Variants in CX3CR1 observed in about 807,000 individuals in gnomAD.
CX3CR1 encodes the protein CX3C chemokine receptor 1.
For missense variants in CX3CR1, 363 were observed against 432.4 expected, an observed-to-expected ratio of 0.84 and a Z score of 1.42; for synonymous variants, 168 against 178.5, an observed-to-expected ratio of 0.94 and a Z score of 0.47.
At chr3:39,283,840 T>TATATATATAA (rs1195261746), upstream of CX3CR1, among the ~76,000 whole-genome samples, 5 of 115,308 alleles carry the variant, frequency 4.3e-5, no homozygotes, top group African/African-American at 1.3e-4. Context: ...TATATATATA[T>TATATATATAA]AATGTGGTTA....
rs1315495491 is a variant in CX3CR1, at chr3:39,264,611, G to A, written c.*831C>T. On this transcript the variant is annotated 3_prime_UTR_variant, in exon 2 of 2. Transcript: ENST00000399220. ...TGGTAGGACCCCATGGTGGACGTAT[G>A]AGAAGCCAAGCATTTGAGTTTTGAC... 6.6e-6 allele frequency: 1 copy of A among 152,300 alleles called. No individual in the cohort carries two copies. Among genetic ancestry groups the A allele is most frequent in the Non-Finnish European group, 1.5e-5 (1 of 68,070 alleles). 9.4% of individuals were successfully genotyped at this position (152,300 alleles called of 1,614,324 possible).
chr3:39,269,075 C>G (rs925472680), intron 1 of CX3CR1, among the ~76,000 whole-genome samples: 5 of 151,878 alleles, frequency 3.3e-5, no homozygotes, highest in Admixed American at 2.0e-4. Flanking sequence ...GGTAAGCCAC[C>G]CTTTATTGAG....
chr3:39,292,334 G>GC, the CX3CR1 span, among the ~76,000 whole-genome samples: 2,810 of 152,310 alleles, frequency 0.018, 60 homozygotes, highest in South Asian at 0.041. Context: ...TCAGGTGGAA[G>GC]CCCCTTCCCA....
chr3:39,267,864 C>T (rs968415050), intron 1 of CX3CR1, among the ~76,000 whole-genome samples: 1 of 152,206 alleles, frequency 6.6e-6, no homozygotes. Flanking sequence ...CCCTTCTTTT[C>T]GCAGCCAGGA....
In CX3CR1 at chr3:39,266,149, T is replaced by G; in HGVS notation, c.361A>C (p.Thr121Pro). The G allele has an allele frequency of 6.2e-7, 1 of 1,614,094 alleles. No individual in the cohort carries two copies. The highest frequency in any genetic ancestry group is 8.5e-7 in the Non-Finnish European group (1 of 1,180,026). The change falls in exon 2 of 2, where the codon ACC (threonine) becomes CCC (proline). Residue 121 changes from threonine to proline, a missense_variant. Coordinates refer to ENST00000399220, the MANE Select transcript of CX3CR1 (RefSeq NM_001337.4). The stretch of plus-strand genomic sequence containing the variant: ...AGGTACCTATCAATGCTGATGACGG[T>G]GATGAAGAATATGCTTCCAAAAAAG... Reference protein sequence around the residue: ...IGFFGSIFFITVISIDRYLAI... With the variant: ...IGFFGSIFFIPVISIDRYLAI...
chr3:39,266,781 T>C, intron 1 of CX3CR1: 2 of 649,346 alleles, frequency 3.1e-6, no homozygotes, highest in Admixed American at 2.0e-5. Flanking sequence ...AGCATTTGGC[T>C]CTAGGCATTT....
chr3:39,279,763 T>G (rs1009378264), intron 1 of CX3CR1, among the ~76,000 whole-genome samples, 191 bp downstream of exon 1: 1 of 152,162 alleles, frequency 6.6e-6, no homozygotes, highest in African/African-American at 2.4e-5. Context: ...TTCCACCAGG[T>G]TGAGTGTATT....
rs1255967469 is a variant in CX3CR1, at chr3:39,265,718, A to G, written c.792T>C (p.Ser264=). The part of the protein sequence containing the change: ...ETLKLYDFFP[S]CDMRKDLRLA... ...GCCTCAGATCCTTCCTCATGTCACA[A>G]CTGGGAAAGAAGTCATAGAGCTTAA... Residue 264 remains serine (S), a synonymous_variant, in exon 2 of 2, where the codon AGT becomes AGC. Transcript: ENST00000399220. 5.6e-6 allele frequency: 9 copies of G among 1,614,082 alleles called. No homozygotes were observed. Among genetic ancestry groups the G allele is most frequent in the Non-Finnish European group, 7.6e-6 (9 of 1,180,038 alleles).
chr3:39,282,979 T>C (rs1351517569), upstream of CX3CR1, among the ~76,000 whole-genome samples: 1 of 152,126 alleles, frequency 6.6e-6, no homozygotes, highest in Non-Finnish European at 1.5e-5. Context: ...GCATCCTTGA[T>C]CTCCTGGGCT....
At chr3:39,271,148 A>C (rs1367157716) in intron 1 of CX3CR1, among the ~76,000 whole-genome samples, 2 of 152,214 alleles carry the variant, frequency 1.3e-5, no homozygotes, top group Non-Finnish European at 2.9e-5. Context: ...TCTGCAGGCC[A>C]ATGTTCAACA....
At chr3:39,270,399 A>G (rs530446801) in intron 1 of CX3CR1, among the ~76,000 whole-genome samples, 77 of 152,374 alleles carry the variant, frequency 5.1e-4, no homozygotes, top group African/African-American at 1.7e-3. Context: ...CCCAATGTCC[A>G]TCACTAGGGA....
intron 1 of CX3CR1, among the ~76,000 whole-genome samples, chr3:39,279,285 T>C (rs1267767731): frequency 3.3e-5 from 5 of 152,134 alleles, no homozygotes; most frequent in Non-Finnish European, 7.4e-5. Flanking sequence ...TGCAGTTTCC[T>C]AGAATCAACC....
the CX3CR1 span, among the ~76,000 whole-genome samples, chr3:39,292,614 C>T: frequency 1.3e-5 from 2 of 152,216 alleles, no homozygotes; most frequent in African/African-American, 2.4e-5. Context: ...GTGCCAGGAC[C>T]TGTGCTAAGT....
chr3:39,284,066 T>A (rs1295908852), upstream of CX3CR1, among the ~76,000 whole-genome samples: 1 of 151,786 alleles, frequency 6.6e-6, no homozygotes, highest in Non-Finnish European at 1.5e-5. Flanking sequence ...GCATTTCATG[T>A]AACCTACAAA....
chr3:39,283,817 A>ATT (rs2040926649), upstream of CX3CR1, among the ~76,000 whole-genome samples: 1 of 69,628 alleles, frequency 1.4e-5, no homozygotes, highest in Non-Finnish European at 3.0e-5. Context: ...ATATATATAT[A>ATT]TATATATATA....
chr3:39,269,010 A>AT lies in CX3CR1; in HGVS notation c.-9-2493dup, dbSNP rs374201397. Among the ~76,000 whole-genome samples, 43 of 151,344 alleles carry AT rather than the reference A, an allele frequency of 2.8e-4. 1 individual carries two copies. In the South Asian group the frequency reaches 3.3e-3, roughly 12 times the overall value. The stretch of plus-strand genomic sequence containing the variant: ...GAATTTGGTCTTTAAAGGTCACTTT[A>AT]TTTTTTTTTCCCCCTGAAATAAGAC... On this transcript the variant is annotated intron_variant, in intron 1 of 1. Transcript: ENST00000399220.
chr3:39,274,160 G>A (rs189692688), intron 1 of CX3CR1, among the ~76,000 whole-genome samples: 4 of 152,044 alleles, frequency 2.6e-5, no homozygotes, highest in African/African-American at 7.2e-5. Context: ...GTTCTCAGTC[G>A]GCTGCCATGC....
intron 1 of CX3CR1, among the ~76,000 whole-genome samples, chr3:39,267,207 A>AG (rs768232240): frequency 6.8e-5 from 10 of 146,664 alleles, no homozygotes; most frequent in Non-Finnish European, 1.2e-4. Context: ...CAGGAGGGGG[A>AG]GGGGGGTGAG....
At chr3:39,288,402 CT>C in the CX3CR1 span, among the ~76,000 whole-genome samples, 1 of 152,202 alleles carries the variant, frequency 6.6e-6, no homozygotes, top group East Asian at 1.9e-4. Flanking sequence ...AATGGTCTCG[CT>C]TTGGCTTCCA....
Sources: allele counts gnomAD v4.1 joint callset (sites outside exome capture counted in the v4.1 genomes callset), GRCh38; gene constraint gnomAD v4.1.1; transcripts MANE v1.5; gene names NCBI Gene and HGNC (gene_info 2026-07-23, HGNC 2026-07-21).